Variants in FSHR observed in about 807,000 individuals in gnomAD.
FSHR encodes the protein follicle stimulating hormone receptor.
FSHR carries 46 observed loss-of-function variants against 52.1 expected under a neutral mutation model. The observed-to-expected ratio is 0.88, with a 90% CI of 0.70 to 1.13. The LOEUF (loss-of-function observed/expected upper bound fraction) is 1.13. Ranked by LOEUF, FSHR falls within the 50% of genes most tolerant of loss-of-function variation. FSHR has a pLI of 0.00. For missense variants in FSHR, 964 were observed against 834.6 expected (o/e 1.16, Z -1.91); for synonymous variants, 399 against 309.6 (o/e 1.29, Z -3.03).
chr2:49,074,666 A>G (rs1178557546), intron 1 of FSHR, among the ~76,000 whole-genome samples: 1 of 152,124 alleles, frequency 6.6e-6, no homozygotes, highest in Non-Finnish European at 1.5e-5. Flanking sequence ...CAATCCTACT[A>G]CTTAGAATTT....
chr2:49,152,795 G>T (rs1673110066), intron 1 of FSHR, among the ~76,000 whole-genome samples: 1 of 152,182 alleles, frequency 6.6e-6, no homozygotes, highest in South Asian at 2.1e-4. Context: ...CAACCAAGCA[G>T]GTTGTACTAA....
chr2:49,026,322 A>C (rs1269244273), intron 2 of FSHR, among the ~76,000 whole-genome samples: 1 of 152,226 alleles, frequency 6.6e-6, no homozygotes, highest in Non-Finnish European at 1.5e-5. Flanking sequence ...CCCTCAGTAG[A>C]TGAGCAAAGG....
intron 8 of FSHR, among the ~76,000 whole-genome samples, chr2:48,971,257 T>A (rs545126848): frequency 6.6e-4 from 100 of 152,304 alleles, no homozygotes; most frequent in Middle Eastern, 3.4e-3. Flanking sequence ...ATCAATCAGC[T>A]TTCAATTGGG....
chr2:49,090,149 GTGTGCA>G, intron 1 of FSHR, among the ~76,000 whole-genome samples: 1 of 148,794 alleles, frequency 6.7e-6, no homozygotes, highest in East Asian at 2.1e-4. Flanking sequence ...GTGTGTGTGT[GTGTGCA>G]TGTGTGTGTG....
chr2:48,991,525 C>G (rs961980724), intron 4 of FSHR, among the ~76,000 whole-genome samples: 1 of 152,204 alleles, frequency 6.6e-6, no homozygotes, highest in East Asian at 1.9e-4. Flanking sequence ...TAATTCCCCA[C>G]TTATGGCTTG....
At chr2:49,086,875 C>G (rs976481162) in intron 1 of FSHR, among the ~76,000 whole-genome samples, 1 of 152,112 alleles carries the variant, frequency 6.6e-6, no homozygotes, top group Non-Finnish European at 1.5e-5. Flanking sequence ...CTCAGGTGAT[C>G]TGCCTGCCTT....
Position 49,068,209 on chromosome 2 carries a change from AGG to A in FSHR, c.224+8_224+9del, listed in dbSNP as rs1477856786. 7 of 1,606,070 alleles carry A rather than the reference AGG, an allele frequency of 4.4e-6. No individual in the cohort carries two copies. Among genetic ancestry groups the A allele is most frequent in the Non-Finnish European group, 6.0e-6 (7 of 1,174,802 alleles). The stretch of plus-strand genomic sequence containing the variant: ...TGAGGCATTCACTCACAGCAGTGCT[AGG>A]TACATACATTTTCTCCAGGTCCCCA... On this transcript the variant is annotated splice_region_variant and intron_variant, in intron 2 of 9. Coordinates refer to ENST00000406846, the MANE Select transcript of FSHR (RefSeq NM_000145.4).
chr2:48,966,265 G>T (rs995535461), intron 9 of FSHR, among the ~76,000 whole-genome samples: 4 of 152,034 alleles, frequency 2.6e-5, no homozygotes, highest in Non-Finnish European at 5.9e-5. Context: ...GCCCTGTGTG[G>T]GTACTTAGAA....
intron 4 of FSHR, among the ~76,000 whole-genome samples, chr2:49,012,712 C>A (rs900167587): frequency 8.5e-5 from 13 of 152,118 alleles, no homozygotes; most frequent in African/African-American, 3.1e-4. Flanking sequence ...TCCTACTGGT[C>A]CCCACTGAAT....
Position 48,963,104 on chromosome 2 carries a change from G to A in FSHR, c.1717C>T (p.Arg573Cys), listed in dbSNP as rs121909660. The change falls in exon 10 of 10, where the codon CGC (arginine) becomes TGC (cysteine). Residue 573 changes from arginine (R) to cysteine (C), a missense_variant. Physicochemically the swap from Arg to Cys is radical, Grantham distance 180 (BLOSUM62 -3). Transcript: ENST00000406846. ...TCAGTGAAGATGAGCATGGCCATGC[G>A]CTTGGCGATCCTGGTGTCACTAGAG... ...SSSSDTRIAKRMAMLIFTDFL... is the reference protein window; with the variant it reads ...SSSSDTRIAKCMAMLIFTDFL... The A allele has an allele frequency of 8.7e-6, 14 of 1,614,066 alleles. No homozygotes were observed. Among genetic ancestry groups the A allele is most frequent in the Non-Finnish European group, 1.1e-5 (13 of 1,179,986 alleles).
intron 1 of FSHR, among the ~76,000 whole-genome samples, chr2:49,094,257 C>T (rs1474334147): frequency 6.6e-6 from 1 of 152,150 alleles, no homozygotes; most frequent in Non-Finnish European, 1.5e-5. Flanking sequence ...AAGCTCCTCC[C>T]TCCATGTTGT....
intron 4 of FSHR, among the ~76,000 whole-genome samples, chr2:48,995,956 G>A (rs910134490): frequency 2.6e-5 from 4 of 152,126 alleles, no homozygotes; most frequent in Non-Finnish European, 5.9e-5. Flanking sequence ...CAGCCACAGA[G>A]TTCATGCTAT....
intron 1 of FSHR, among the ~76,000 whole-genome samples, chr2:49,108,166 C>A (rs1224183040): frequency 6.6e-6 from 1 of 152,118 alleles, no homozygotes; most frequent in African/African-American, 2.4e-5. Context: ...CCTGCTTAAG[C>A]TGAGACACTG....
At chr2:49,058,329 A>T (rs1402616770) in intron 2 of FSHR, among the ~76,000 whole-genome samples, 2 of 152,082 alleles carry the variant, frequency 1.3e-5, no homozygotes, top group African/African-American at 4.8e-5. Context: ...CAGGTGGATC[A>T]CGAGGTCAGG....
At chr2:49,058,747 G>A (rs919078785) in intron 2 of FSHR, among the ~76,000 whole-genome samples, 1 of 151,746 alleles carries the variant, frequency 6.6e-6, no homozygotes, top group African/African-American at 2.4e-5. Flanking sequence ...TTTAACTCAA[G>A]TGGAAAAAGG....
chr2:48,978,391 A>T (rs1007881777), intron 8 of FSHR, among the ~76,000 whole-genome samples: 21 of 152,244 alleles, frequency 1.4e-4, no homozygotes, highest in Non-Finnish European at 2.9e-4. Context: ...ATAAAAAGGC[A>T]ATTTACTATC....
chr2:49,082,828 A>G (rs1364227547), intron 1 of FSHR, among the ~76,000 whole-genome samples: 1 of 152,206 alleles, frequency 6.6e-6, no homozygotes, highest in Non-Finnish European at 1.5e-5. Flanking sequence ...AAAGCCTCCA[A>G]GAAATATGGG....
chr2:49,005,643 T>C (rs1267527246), intron 4 of FSHR, among the ~76,000 whole-genome samples: 1 of 152,048 alleles, frequency 6.6e-6, no homozygotes, highest in African/African-American at 2.4e-5. Context: ...AAAAAACAAA[T>C]CACTGCAACC....
intron 1 of FSHR, among the ~76,000 whole-genome samples, chr2:49,136,050 A>T (rs752525810): frequency 6.6e-6 from 1 of 152,206 alleles, no homozygotes; most frequent in Non-Finnish European, 1.5e-5. Context: ...AATTAATAAA[A>T]TAAGGAATAA....
Sources: gnomAD v4.1 joint callset for allele counts (sites outside exome capture counted in the v4.1 genomes callset) on GRCh38, gnomAD v4.1.1 for gene constraint, MANE v1.5 for transcripts, NCBI Gene and HGNC (gene_info 2026-07-23, HGNC 2026-07-21) for gene names.